The following AMD1 variants were observed in gnomAD, a reference collection of about 807,000 sequenced individuals.
The protein encoded by AMD1 is S-adenosylmethionine decarboxylase proenzyme.
A neutral mutation model predicts 40.2 loss-of-function variants in AMD1; 11 were observed. The ratio of observed to expected loss-of-function variants is 0.27; its 90% CI spans 0.17 to 0.45. The LOEUF (loss-of-function observed/expected upper bound fraction) is 0.45. Ranked by LOEUF, AMD1 falls within the 20% of genes least tolerant of loss-of-function variation. The pLI is 1.00. For missense variants in AMD1, 257 were observed against 410.2 expected, an observed-to-expected ratio of 0.63 and a Z score of 3.23; for synonymous variants, 121 against 130.8, an observed-to-expected ratio of 0.93 and a Z score of 0.51.
chr6:110,875,553 C>T (rs1009061839), intron 1 of AMD1: 19 of 209,088 alleles, frequency 9.1e-5, no homozygotes, highest in African/African-American at 3.7e-4. Context: ...CCGACATTTC[C>T]CTCCGTAGTA....
the AMD1 span, among the ~76,000 whole-genome samples, chr6:110,849,114 G>C: frequency 2.0e-5 from 3 of 152,204 alleles, no homozygotes; most frequent in Non-Finnish European, 4.4e-5. Context: ...TCATGTTGAC[G>C]TGATACAGAC....
At chr6:110,877,703 C>T (rs949354359) in intron 1 of AMD1, among the ~76,000 whole-genome samples, 1 of 152,200 alleles carries the variant, frequency 6.6e-6, no homozygotes, top group African/African-American at 2.4e-5. Flanking sequence ...ATATGTAGTA[C>T]GTAAACTGTT....
chr6:110,855,220 A>G, the AMD1 span, among the ~76,000 whole-genome samples: 1 of 151,748 alleles, frequency 6.6e-6, no homozygotes, highest in African/African-American at 2.4e-5. Flanking sequence ...GAACCTTGAG[A>G]TCAAAGAAAT....
At chr6:110,856,657 G>A in the AMD1 span, 1 of 152,172 alleles carries the variant, frequency 6.6e-6, no homozygotes, top group African/African-American at 2.4e-5. Context: ...CTGAGATGGG[G>A]AAGTGGGTAG....
chr6:110,838,914 G>A, the AMD1 span, among the ~76,000 whole-genome samples: 5 of 151,958 alleles, frequency 3.3e-5, no homozygotes, highest in African/African-American at 4.8e-5. Context: ...GATTATAGGC[G>A]CTTGCCACCA....
In AMD1 at chr6:110,893,081, A is replaced by T; in HGVS notation, c.864+16A>T. ...TGTTAATCAGGTAATTTTATATTTTATTATTAATCAGGTTATTTGATTTTT... is the reference window on the plus strand; with the variant it reads ...TGTTAATCAGGTAATTTTATATTTTTTTATTAATCAGGTTATTTGATTTTT... On this transcript the variant is annotated intron_variant, in intron 8 of 8. Transcript: ENST00000368885. 1 of 1,575,950 alleles carries T rather than the reference A, an allele frequency of 6.3e-7. No individual in the cohort carries two copies. Among genetic ancestry groups the T allele is most frequent in the South Asian group, 1.2e-5 (1 of 84,728 alleles).
the AMD1 span, among the ~76,000 whole-genome samples, chr6:110,843,344 A>C: frequency 7.4e-6 from 1 of 135,872 alleles, no homozygotes; most frequent in East Asian, 2.4e-4. Flanking sequence ...CAGGCCTATA[A>C]TCCCAGCTAC....
At chr6:110,870,286 A>T (rs1243044597), upstream of AMD1, among the ~76,000 whole-genome samples, 1 of 152,238 alleles carries the variant, frequency 6.6e-6, no homozygotes, top group Admixed American at 6.5e-5. Context: ...ATTAGTTCTC[A>T]GAAACAGTAG....
chr6:110,834,725 G>A, the AMD1 span, among the ~76,000 whole-genome samples: 21,845 of 151,814 alleles, frequency 0.14, 1,761 homozygotes, highest in East Asian at 0.31. Flanking sequence ...TTGGGAAGCC[G>A]AGGAGGGCAG....
chr6:110,814,825 G>T, the AMD1 span: 1 of 783,380 alleles, frequency 1.3e-6, no homozygotes, highest in South Asian at 1.5e-5. Context: ...GGTACGCGAC[G>T]GGGCCGCGCG....
chr6:110,890,191 A>G, intron 3 of AMD1, 63 bp from the exon 4 acceptor site: 1 of 1,265,252 alleles, frequency 7.9e-7, no homozygotes, highest in African/African-American at 1.5e-5. Context: ...TTAGCTTCGA[A>G]AAGTGATAGA....
chr6:110,882,406 T>C (rs1159304812), intron 1 of AMD1, among the ~76,000 whole-genome samples: 5 of 152,222 alleles, frequency 3.3e-5, no homozygotes. Flanking sequence ...TCTGCCCTTA[T>C]AGGGAGAAAA....
the AMD1 span, chr6:110,814,896 C>T: frequency 7.0e-7 from 1 of 1,431,278 alleles, no homozygotes; most frequent in African/African-American, 1.5e-5. Context: ...CCCGCGACCC[C>T]CTCCGCCTCG....
the AMD1 span, chr6:110,815,811 G>T: frequency 1.3e-5 from 2 of 152,520 alleles, no homozygotes; most frequent in Non-Finnish European, 2.9e-5. Flanking sequence ...TCAGCACCTT[G>T]CTGAAGGGTT....
At chr6:110,817,929 G>A in the AMD1 span, among the ~76,000 whole-genome samples, 8 of 152,076 alleles carry the variant, frequency 5.3e-5, no homozygotes, top group South Asian at 2.1e-4. Flanking sequence ...AGGACAAGTC[G>A]AAGAGCAAGA....
At chr6:110,880,774 G>C (rs1019821281) in intron 1 of AMD1, among the ~76,000 whole-genome samples, 4 of 152,114 alleles carry the variant, frequency 2.6e-5, no homozygotes, top group Non-Finnish European at 4.4e-5. Flanking sequence ...CTGGGTTCAA[G>C]TGATTCTCCT....
chr6:110,881,910 A>G (rs193221572), intron 1 of AMD1, among the ~76,000 whole-genome samples: 19 of 152,298 alleles, frequency 1.2e-4, no homozygotes, highest in East Asian at 1.2e-3. Flanking sequence ...AATGTGAACA[A>G]ATCCCAAAAT....
upstream of AMD1, among the ~76,000 whole-genome samples, chr6:110,871,009 C>G (rs1044039078): frequency 1.3e-5 from 2 of 152,084 alleles, no homozygotes; most frequent in Non-Finnish European, 2.9e-5. Flanking sequence ...AATGAATAAG[C>G]CATACCAAGA....
chr6:110,890,107 C>T (rs1785931402), intron 3 of AMD1, 147 bp from the exon 4 acceptor site: 2 of 592,776 alleles, frequency 3.4e-6, no homozygotes, highest in Admixed American at 7.1e-5. Flanking sequence ...AGACTACAGG[C>T]ATATGCTACC....
Sources: allele counts gnomAD v4.1 joint callset (sites outside exome capture counted in the v4.1 genomes callset), GRCh38; gene constraint gnomAD v4.1.1; transcripts MANE v1.5; gene names NCBI Gene and HGNC (gene_info 2026-07-23, HGNC 2026-07-21).